Variants in RARB observed in about 807,000 individuals in gnomAD.
RARB encodes the protein HBV-activated protein.
RARB carries 17 observed loss-of-function variants against 51.9 expected under a neutral mutation model. That is an observed-to-expected ratio of 0.33 (90% CI 0.22 to 0.49). RARB has a LOEUF of 0.49. Ranked by LOEUF, RARB falls within the 20% of genes least tolerant of loss-of-function variation. The pLI is 0.99. For synonymous variants in RARB, 215 were observed against 195.4 expected, an observed-to-expected ratio of 1.10 and a Z score of -0.84; for missense variants, 369 against 550.8, an observed-to-expected ratio of 0.67 and a Z score of 3.30.
intron 3 of RARB, among the ~76,000 whole-genome samples, chr3:25,121,716 T>C (rs980262968): frequency 6.6e-6 from 1 of 152,192 alleles, no homozygotes; most frequent in Non-Finnish European, 1.5e-5. Context: ...GTTTAGTAAA[T>C]ACTTGCTGAA....
intron 2 of RARB, among the ~76,000 whole-genome samples, chr3:24,876,731 T>C (rs1703050430): frequency 6.6e-6 from 1 of 152,152 alleles, no homozygotes; most frequent in Admixed American, 6.5e-5. Flanking sequence ...TCTTTAGCTT[T>C]GGGAAACAAC....
At chr3:25,175,432 T>G (rs865844708) in intron 5 of RARB, among the ~76,000 whole-genome samples, 1 of 152,232 alleles carries the variant, frequency 6.6e-6, no homozygotes, top group Non-Finnish European at 1.5e-5. Context: ...GTGATTGTTT[T>G]GCATTTTGCT....
intron 5 of RARB, among the ~76,000 whole-genome samples, chr3:25,343,870 T>A (rs1705307503): frequency 6.6e-6 from 1 of 152,212 alleles, no homozygotes; most frequent in Admixed American, 6.5e-5. Context: ...ACAAGGGCCT[T>A]GGTGAAGAAG....
At chr3:25,022,605 C>A (rs1008275646) in intron 2 of RARB, among the ~76,000 whole-genome samples, 1 of 152,212 alleles carries the variant, frequency 6.6e-6, no homozygotes, top group Non-Finnish European at 1.5e-5. Context: ...GCCCTTGGCA[C>A]TTTCAGTCTT....
intron 5 of RARB, among the ~76,000 whole-genome samples, chr3:25,399,568 T>A (rs1312550592): frequency 6.6e-6 from 1 of 152,136 alleles, no homozygotes; most frequent in Admixed American, 6.6e-5. Flanking sequence ...TGAAGGGAAC[T>A]GGTACATATT....
intron 5 of RARB, among the ~76,000 whole-genome samples, chr3:25,364,504 G>A (rs1372571326): frequency 6.6e-6 from 1 of 152,196 alleles, no homozygotes; most frequent in Admixed American, 6.5e-5. Flanking sequence ...AAGGACCCAA[G>A]ATTAAGAACC....
chr3:25,339,088 A>G (rs1705147080), intron 5 of RARB, among the ~76,000 whole-genome samples: 1 of 152,240 alleles, frequency 6.6e-6, no homozygotes, highest in African/African-American at 2.4e-5. Context: ...GACTAGCTTA[A>G]CAGAAATGGA....
intron 5 of RARB, among the ~76,000 whole-genome samples, chr3:25,337,679 T>C (rs988401214): frequency 3.0e-4 from 46 of 152,314 alleles, no homozygotes; most frequent in Non-Finnish European, 6.2e-4. Flanking sequence ...AGGCTTTCCA[T>C]GATCACCCTC....
In RARB at chr3:25,168,619, T is replaced by C. The variant is rs111829771; in HGVS notation, c.-279-5500T>C. Among the ~76,000 whole-genome samples, 1,305 of 152,242 alleles carry C rather than the reference T, an allele frequency of 8.6e-3. 14 individuals carry two copies. The highest frequency in any genetic ancestry group is 0.03 in the African/African-American group (1,235 of 41,540). Reference sequence around the variant, plus strand: ...AAATAAGAAAAGACAAGAAAAACTTTTAGATGTTAAAAATATGTTACCATA... The same window carrying C: ...AAATAAGAAAAGACAAGAAAAACTTCTAGATGTTAAAAATATGTTACCATA... On this transcript the variant is annotated intron_variant, in intron 4 of 11. Coordinates refer to the RARB transcript ENST00000383772.
rs541102642 is a variant in RARB at position 25,238,599 on chromosome 3, A to G, written c.178+64024A>G. Among the ~76,000 whole-genome samples the G allele has an allele frequency of 2.0e-3, 306 of 152,316 alleles. 2 individuals carry two copies. The highest frequency in any genetic ancestry group is 2.7e-3 in the Non-Finnish European group (181 of 68,030). ...AAATTGCCATACACATTTGCATAGT[A>G]GCTGCACTACTTTACATCCCCACCA... On this transcript the variant is annotated intron_variant, in intron 5 of 11. Coordinates refer to the RARB transcript ENST00000383772.
intron 1 of RARB, among the ~76,000 whole-genome samples, chr3:25,456,709 A>T (rs1575421553): frequency 6.7e-6 from 1 of 148,238 alleles, no homozygotes; most frequent in Middle Eastern, 3.5e-3. Context: ...AGAGAGAGAG[A>T]GAGAGAGAGT....
chr3:25,404,648 G>A (rs77691383), intron 5 of RARB, among the ~76,000 whole-genome samples: 2,356 of 152,142 alleles, frequency 0.015, 56 homozygotes, highest in African/African-American at 0.05. Flanking sequence ...GACAGATAGT[G>A]GAAGCAGGGG....
intron 5 of RARB, among the ~76,000 whole-genome samples, chr3:25,404,213 G>A (rs561157204): frequency 6.6e-6 from 1 of 152,142 alleles, no homozygotes; most frequent in South Asian, 2.1e-4. Context: ...TTCTTTCCAG[G>A]GGACCTTCTC....
chr3:25,071,006 A>G (rs573299278), intron 3 of RARB, among the ~76,000 whole-genome samples: 70 of 152,366 alleles, frequency 4.6e-4, no homozygotes, highest in African/African-American at 1.6e-3. Flanking sequence ...ACCAGACTAG[A>G]TCTACCATGC....
intron 5 of RARB, among the ~76,000 whole-genome samples, chr3:25,587,470 G>A (rs1186889463): frequency 4.6e-5 from 7 of 152,076 alleles, no homozygotes; most frequent in Non-Finnish European, 7.4e-5. Context: ...AAAATAATTT[G>A]GATATCTTAA....
chr3:24,902,027 AT>A (rs1191515080), intron 2 of RARB, among the ~76,000 whole-genome samples: 1 of 151,530 alleles, frequency 6.6e-6, no homozygotes. Context: ...CATATATAAC[AT>A]ATATGAAAAC....
chr3:24,959,590 G>A (rs937270), intron 2 of RARB, among the ~76,000 whole-genome samples: 2 of 152,222 alleles, frequency 1.3e-5, no homozygotes, highest in African/African-American at 4.8e-5. Flanking sequence ...GTTCTCACAT[G>A]GGGCTGAGGT....
At chr3:25,365,004 C>T (rs1437477512) in intron 5 of RARB, among the ~76,000 whole-genome samples, 1 of 151,976 alleles carries the variant, frequency 6.6e-6, no homozygotes, top group African/African-American at 2.4e-5. Flanking sequence ...GATTCATTGA[C>T]ATCTAAGTTT....
At chr3:25,332,424 C>T (rs1392583534) in intron 5 of RARB, among the ~76,000 whole-genome samples, 1 of 152,174 alleles carries the variant, frequency 6.6e-6, no homozygotes, top group Non-Finnish European at 1.5e-5. Flanking sequence ...ATGACAAAAA[C>T]CACATGATTA....
Sources: allele counts gnomAD v4.1 joint callset (sites outside exome capture counted in the v4.1 genomes callset), GRCh38; gene constraint gnomAD v4.1.1; transcripts MANE v1.5; gene names NCBI Gene and HGNC (gene_info 2026-07-23, HGNC 2026-07-21).